The following ITGA4 variants were observed in gnomAD, a reference collection of about 807,000 sequenced individuals.
The protein encoded by ITGA4 is integrin subunit alpha 4.
ITGA4 carries 63 observed loss-of-function variants against 133.6 expected under a neutral mutation model. That is an observed-to-expected ratio of 0.47 (90% CI 0.38 to 0.58). The LOEUF (loss-of-function observed/expected upper bound fraction) is 0.58. ITGA4 is among the 20% of genes least tolerant of loss of function. ITGA4 has a pLI of 0.00. For synonymous variants in ITGA4, 483 were observed against 438.0 expected (o/e 1.10, Z -1.28); for missense variants, 1,076 against 1,252.7 (o/e 0.86, Z 2.13).
At chr2:181,469,313 G>C in intron 2 of ITGA4, among the ~76,000 whole-genome samples, 1 of 152,176 alleles carries the variant, frequency 6.6e-6, no homozygotes, top group East Asian at 1.9e-4. Context: ...ATAACCATCT[G>C]TTAATACATC....
intron 17 of ITGA4, among the ~76,000 whole-genome samples, chr2:181,519,227 T>A (rs577778017): frequency 7.4e-4 from 112 of 152,026 alleles, no homozygotes; most frequent in Non-Finnish European, 1.4e-3. Context: ...TACTCAAAGA[T>A]TACATTACAT....
intron 27 of ITGA4, 28 bp downstream of exon 27, chr2:181,534,963 G>C (rs139440981): frequency 2.3e-4 from 352 of 1,532,812 alleles, no homozygotes; most frequent in African/African-American, 1.8e-3. Context: ...ACCAACATTA[G>C]TCTACTAAAA....
At chr2:181,484,429 A>G (rs922643919) in intron 9 of ITGA4, among the ~76,000 whole-genome samples, 1 of 152,040 alleles carries the variant, frequency 6.6e-6, no homozygotes, top group Non-Finnish European at 1.5e-5. Context: ...GAGCCATTGC[A>G]TTGTCTTAAG....
chr2:181,535,068 C>A, intron 27 of ITGA4, 133 bp downstream of exon 27: 2 of 940,076 alleles, frequency 2.1e-6, no homozygotes, highest in Non-Finnish European at 1.5e-6. Context: ...CAGTACTGAT[C>A]TCACATTTCT....
chr2:181,527,424 C>A, intron 22 of ITGA4, 37 bp downstream of exon 22: 1 of 1,365,456 alleles, frequency 7.3e-7, no homozygotes, highest in Non-Finnish European at 1.0e-6. Context: ...TTGTAACAAC[C>A]TAAAAGGATG....
At chr2:181,458,137 G>C in intron 1 of ITGA4, 59 bp from the exon 2 acceptor site, 2 of 1,608,210 alleles carry the variant, frequency 1.2e-6, no homozygotes, top group Non-Finnish European at 1.7e-6. Flanking sequence ...TGTGGCGACA[G>C]GGAGCTCAGT....
intron 15 of ITGA4, among the ~76,000 whole-genome samples, chr2:181,499,692 T>TA (rs1222131506): frequency 4.6e-5 from 7 of 152,174 alleles, no homozygotes; most frequent in African/African-American, 1.7e-4. Context: ...TGTACTAGAA[T>TA]AAACCTATTA....
Position 181,474,997 on chromosome 2 carries a change from G to C in ITGA4, c.357G>C (p.Leu119Phe), listed in dbSNP as rs1277219552. 10 of 1,614,064 alleles carry C rather than the reference G, an allele frequency of 6.2e-6. No individual in the cohort carries two copies. The highest frequency in any genetic ancestry group is 7.6e-6 in the Non-Finnish European group (9 of 1,179,952). ...GAGAACCTTGTGGAAAGACTTGTTT[G>C]GAAGAGAGAGACAATCAGTGGTTGG... The part of the protein sequence containing the change: ...PNGEPCGKTC[L>F]EERDNQWLGV... Residue 119 changes from leucine to phenylalanine, a missense_variant, in exon 3 of 28, where the codon TTG becomes TTC. Transcript: ENST00000397033.
At chr2:181,494,659 C>T in intron 11 of ITGA4, 63 bp from the exon 12 acceptor site, 2 of 847,782 alleles carry the variant, frequency 2.4e-6, no homozygotes, top group East Asian at 4.8e-5. Context: ...TTAGCTAAAT[C>T]ATTGCTTCTC....
chr2:181,504,500 G>T (rs1410535079), intron 15 of ITGA4, among the ~76,000 whole-genome samples: 1 of 151,960 alleles, frequency 6.6e-6, no homozygotes, highest in Non-Finnish European at 1.5e-5. Context: ...CTCCAAAGAA[G>T]AAATTTTTTA....
rs1448070301 is a variant in ITGA4, at chr2:181,511,761, G to T, written c.1908G>T (p.Lys636Asn). 6.3e-7 allele frequency: 1 copy of T among 1,579,294 alleles called. No individual in the cohort carries two copies. Among genetic ancestry groups the T allele is most frequent in the South Asian group, 1.1e-5 (1 of 90,310 alleles). The stretch of plus-strand genomic sequence containing the variant: ...CTGCTGATTTACAGGTTTCTGCAAA[G>T]ATTGGGTTTTTGAAGTAAGTATATG... ...NCSADLQVSAKIGFLKPHENK... is the reference protein window; with the variant it reads ...NCSADLQVSANIGFLKPHENK... The change falls in exon 17 of 28, where the codon AAG becomes AAT. Residue 636 changes from lysine (K) to asparagine (N), a missense_variant. Lys to Asn is a moderately conservative substitution (Grantham distance 94). Around this residue, in one of 4 missense-constraint regions of ITGA4, gnomAD observed 365 missense variants for 421.4 expected, o/e 0.87. Transcript: ENST00000397033.
chr2:181,533,942 T>G (rs912663695), intron 25 of ITGA4, among the ~76,000 whole-genome samples: 3 of 152,164 alleles, frequency 2.0e-5, no homozygotes, highest in Admixed American at 6.6e-5. Context: ...TAGAAAGAAA[T>G]AAAAAGCCCA....
intron 26 of ITGA4, 35 bp downstream of exon 26, chr2:181,534,405 A>G (rs771080422): frequency 6.7e-6 from 8 of 1,190,160 alleles, no homozygotes; most frequent in Non-Finnish European, 7.5e-6. Context: ...CATTAAAATT[A>G]TAGGAAAACA....
Position 181,523,312 on chromosome 2 carries a change from AAT to A in ITGA4, c.2074-123_2074-122del. On this transcript the variant is annotated intron_variant, in intron 18 of 27. Transcript: ENST00000397033. This position sits in a 1 kb window ranked among gnomAD's most constrained non-coding sequence, Gnocchi z 4.2. ...ATTTATCTCAAACATATAAATAGAA[AAT>A]AGTTTTCCTAGAAAAGCAAATACTT... 2 of 603,038 alleles carry A rather than the reference AAT, an allele frequency of 3.3e-6. No homozygotes were observed. The highest frequency in any genetic ancestry group is 4.3e-4 in the Middle Eastern group (1 of 2,312). 37.4% of individuals were successfully genotyped at this position (603,038 alleles called of 1,614,324 possible).
In ITGA4 at chr2:181,537,895, T is replaced by G; in HGVS notation, c.*2368T>G. On this transcript the variant is annotated 3_prime_UTR_variant, in exon 28 of 28. Transcript: ENST00000397033. ...GGAGGTTAGAGCAATGGAGCATTACTGAGTTCCTCCCCCTGTCAGATCAGC... is the reference window on the plus strand; with the variant it reads ...GGAGGTTAGAGCAATGGAGCATTACGGAGTTCCTCCCCCTGTCAGATCAGC... The G allele has an allele frequency of 1.8e-6, 1 of 557,480 alleles. No homozygotes were observed. The highest frequency in any genetic ancestry group is 3.4e-6 in the Non-Finnish European group (1 of 293,250). The allele number at this position is 557,480 out of a possible 1,614,324, so 34.5% of individuals were successfully genotyped here. A position where few individuals can be genotyped will look rare whatever the true frequency, so the allele number is the denominator to read the frequency against.
intron 2 of ITGA4, chr2:181,459,220 T>A (rs951465579): frequency 6.6e-6 from 1 of 152,206 alleles, no homozygotes; most frequent in Admixed American, 6.5e-5. Context: ...TAGTGACTGA[T>A]AGGTGGGAAC....
chr2:181,478,667 A>G, intron 4 of ITGA4, 90 bp from the exon 5 acceptor site: 1 of 556,426 alleles, frequency 1.8e-6, no homozygotes, highest in Non-Finnish European at 3.1e-6. Context: ...TATAGACCTT[A>G]AAGGACATTT....
At position 181,504,253 on chromosome 2, in the gene ITGA4, T is replaced by C. The variant is rs554239771; in HGVS notation, c.1696-5405T>C. On this transcript the variant is annotated intron_variant, in intron 15 of 27. Coordinates refer to ENST00000397033, the MANE Select transcript of ITGA4 (RefSeq NM_000885.6). ...ATTAAAATCATGACATCAATCTACC[T>C]GGGTAGATTAGTTAATTCTTTTCTT... 2.0e-5 allele frequency among the ~76,000 whole-genome samples: 3 copies of C among 152,202 alleles called. No individual in the cohort carries two copies. In the South Asian group the frequency reaches 6.2e-4, roughly 32 times the overall value.
chr2:181,460,798 T>G (rs1685258030), intron 2 of ITGA4, among the ~76,000 whole-genome samples: 1 of 151,848 alleles, frequency 6.6e-6, no homozygotes, highest in Non-Finnish European at 1.5e-5. Flanking sequence ...ATTGATAAAC[T>G]GAACCAAAAG....
Sources: gnomAD v4.1 joint callset for allele counts (sites outside exome capture counted in the v4.1 genomes callset) on GRCh38, gnomAD v4.1.1 for gene constraint, gnomAD v4.1.1 regional missense constraint, Gnocchi (gnomAD v3.1) non-coding constraint, MANE v1.5 for transcripts, NCBI Gene and HGNC (gene_info 2026-07-23, HGNC 2026-07-21) for gene names.